LPAR1: variants seen among roughly 807,000 people sequenced by gnomAD.
LPAR1 encodes LPA receptor 1.
Under a neutral mutation model 23.8 loss-of-function variants are expected in LPAR1, and 5 were observed. That is an observed-to-expected ratio of 0.21 (90% confidence interval 0.11 to 0.44). The LOEUF (loss-of-function observed/expected upper bound fraction) is 0.44. Ranked by LOEUF, LPAR1 falls within the 20% of genes least tolerant of loss-of-function variation. The probability of loss-of-function intolerance (pLI) is 0.99; values close to 1 mark genes in which losing one functional copy is unlikely to be tolerated. For synonymous variants in LPAR1, 160 were observed against 164.7 expected (o/e 0.97, Z 0.22); for missense variants, 311 against 482.8 (o/e 0.64, Z 3.33).
intron 5 of LPAR1, among the ~76,000 whole-genome samples, chr9:110,924,915 T>C (rs1183764597): frequency 2.6e-5 from 4 of 152,194 alleles, no homozygotes. Flanking sequence ...CCTTTCTCAA[T>C]AATTATCTAT....
intron 4 of LPAR1, among the ~76,000 whole-genome samples, chr9:110,955,402 C>T (rs751731436): frequency 9.9e-5 from 15 of 152,022 alleles, no homozygotes; most frequent in Non-Finnish European, 2.1e-4. Flanking sequence ...TAAACATATA[C>T]ACCAAACACA....
intron 2 of LPAR1, among the ~76,000 whole-genome samples, chr9:111,001,746 A>G (rs1301543641): frequency 6.6e-6 from 1 of 151,792 alleles, no homozygotes. Flanking sequence ...ATTTCCTGAA[A>G]TAATACAGAA....
chr9:110,942,298 C>A (rs2095158384), intron 4 of LPAR1, 130 bp from the exon 5 acceptor site: 2 of 716,510 alleles, frequency 2.8e-6, no homozygotes, highest in African/African-American at 1.8e-5. Flanking sequence ...AACATTTGAT[C>A]CTGCATACCA....
chr9:110,911,756 A>G (rs550384314), intron 5 of LPAR1, among the ~76,000 whole-genome samples: 16 of 152,332 alleles, frequency 1.1e-4, no homozygotes, highest in African/African-American at 3.6e-4. Flanking sequence ...TATTACAAAC[A>G]TAACTATCAT....
chr9:110,957,382 C>G (rs968530269), intron 4 of LPAR1, among the ~76,000 whole-genome samples: 1 of 151,008 alleles, frequency 6.6e-6, no homozygotes, highest in Non-Finnish European at 1.5e-5. Context: ...GCACCATGCA[C>G]CATGCACCAT....
intron 5 of LPAR1, among the ~76,000 whole-genome samples, chr9:110,924,159 T>C (rs2093836405): frequency 6.6e-6 from 1 of 151,500 alleles, no homozygotes; most frequent in Non-Finnish European, 1.5e-5. Context: ...TGAAGAACAT[T>C]TAACAATAAG....
chr9:110,937,536 C>T (rs1235116739), intron 5 of LPAR1, among the ~76,000 whole-genome samples: 1 of 152,134 alleles, frequency 6.6e-6, no homozygotes, highest in African/African-American at 2.4e-5. Context: ...AATAACAGTA[C>T]CTATACGCCA....
rs1156666824 is a variant in LPAR1, at chr9:111,038,011, C to G, written c.-262+156G>C. The G allele has an allele frequency of 2.0e-5, 3 of 152,126 alleles. No individual in the cohort carries two copies. The highest frequency in any genetic ancestry group is 4.4e-5 in the Non-Finnish European group (3 of 68,094). The allele number at this position is 152,126 out of a possible 1,614,324, so 9.4% of individuals were successfully genotyped here. On this transcript the variant is annotated intron_variant, in intron 1 of 5. Coordinates refer to ENST00000683809, the MANE Select transcript of LPAR1 (RefSeq NM_001351411.2). The surrounding 1 kb of genome is among the most constrained non-coding windows in gnomAD (Gnocchi z 4.4). ...GCGGCCCACAGCGCGCACCCACACTCTCACTGGCACTCGCACGCGCGCCCC... is the reference window on the plus strand; with the variant it reads ...GCGGCCCACAGCGCGCACCCACACTGTCACTGGCACTCGCACGCGCGCCCC...
At chr9:110,978,564 C>T (rs1335589957) in intron 2 of LPAR1, among the ~76,000 whole-genome samples, 3 of 151,998 alleles carry the variant, frequency 2.0e-5, no homozygotes, top group Non-Finnish European at 4.4e-5. Flanking sequence ...TTCAGAGAGC[C>T]CTATAGTCTG....
intron 5 of LPAR1, among the ~76,000 whole-genome samples, chr9:110,926,364 C>T (rs1400941501): frequency 6.6e-6 from 1 of 152,198 alleles, no homozygotes; most frequent in East Asian, 1.9e-4. Flanking sequence ...TCCATGCAGA[C>T]ACATACAATT....
At chr9:110,907,744 A>G (rs1212382809) in intron 5 of LPAR1, among the ~76,000 whole-genome samples, 1 of 152,194 alleles carries the variant, frequency 6.6e-6, no homozygotes, top group African/African-American at 2.4e-5. Context: ...TCTTTATAGA[A>G]GAAAATGATT....
intron 4 of LPAR1, chr9:110,945,279 A>T (rs916240715): frequency 6.6e-6 from 1 of 152,212 alleles, no homozygotes; most frequent in African/African-American, 2.4e-5. Context: ...CTGCAATTGG[A>T]CTATAGGCCA....
In LPAR1 at chr9:110,959,419, C is replaced by T. The variant is rs139614165; in HGVS notation, c.45+12654G>A. 6.6e-3 allele frequency among the ~76,000 whole-genome samples: 1,004 copies of T among 151,960 alleles called. 13 individuals carry two copies. The highest frequency in any genetic ancestry group is 0.023 in the African/African-American group (958 of 41,440). ...TTGCTTGAGCTTAGGAGTTCAAGAC[C>T]AGCCTGGGCAACACGGTGAAACCCC... On this transcript the variant is annotated intron_variant, in intron 4 of 5. Transcript: ENST00000683809.
At chr9:110,938,326 C>A (rs7862843) in intron 5 of LPAR1, among the ~76,000 whole-genome samples, 26,450 of 151,958 alleles carry the variant, frequency 0.17, 3,111 homozygotes, top group East Asian at 0.6. Flanking sequence ...AAGTGGGAGA[C>A]CAGCAGGACT....
intron 4 of LPAR1, among the ~76,000 whole-genome samples, chr9:110,945,743 C>G (rs2095352700): frequency 6.6e-6 from 1 of 152,140 alleles, no homozygotes; most frequent in African/African-American, 2.4e-5. Flanking sequence ...GAATCCGTTT[C>G]CTTGTCTTTT....
intron 5 of LPAR1, among the ~76,000 whole-genome samples, chr9:110,898,729 A>T (rs2087445563): frequency 6.6e-6 from 1 of 152,214 alleles, no homozygotes; most frequent in Non-Finnish European, 1.5e-5. Context: ...AATGAAGGAG[A>T]TCACTTACAG....
intron 4 of LPAR1, among the ~76,000 whole-genome samples, chr9:110,947,247 T>C (rs2095414486): frequency 6.6e-6 from 1 of 152,164 alleles, no homozygotes. Flanking sequence ...AAAAGCTCAT[T>C]ATAAAATCCA....
chr9:110,913,094 A>C (rs1347488258), intron 5 of LPAR1, among the ~76,000 whole-genome samples: 1 of 152,204 alleles, frequency 6.6e-6, no homozygotes, highest in African/African-American at 2.4e-5. Context: ...TGACTTGTCA[A>C]GCTCCATTCA....
chr9:110,925,451 A>G (rs1429328864), intron 5 of LPAR1, among the ~76,000 whole-genome samples: 3 of 152,150 alleles, frequency 2.0e-5, no homozygotes, highest in Non-Finnish European at 4.4e-5. Context: ...GATAGATGAC[A>G]GTTTATAGAA....
Sources: allele counts gnomAD v4.1 joint callset (sites outside exome capture counted in the v4.1 genomes callset), GRCh38; gene constraint gnomAD v4.1.1; non-coding constraint Gnocchi (gnomAD v3.1); transcripts MANE v1.5; gene names NCBI Gene and HGNC (gene_info 2026-07-23, HGNC 2026-07-21).